Variants in CCDC7 observed in about 807,000 individuals in gnomAD.
CCDC7 encodes coiled-coil domain-containing protein 7.
In CCDC7, 183 loss-of-function variants were observed where a neutral mutation model predicts 196.9. The observed-to-expected ratio is 0.93, with a 90% CI of 0.82 to 1.05. The LOEUF is 1.05. Ranked by LOEUF, CCDC7 falls within the 50% of genes least tolerant of loss-of-function variation. The probability of loss-of-function intolerance (pLI) is 0.00; values close to 1 mark genes in which losing one functional copy is unlikely to be tolerated. For synonymous variants in CCDC7, 525 were observed against 484.6 expected (o/e 1.08, Z -1.10); for missense variants, 1,540 against 1,482.2 (o/e 1.04, Z -0.64).
At chr10:32,665,965 A>G (rs980345910) in intron 21 of CCDC7, among the ~76,000 whole-genome samples, 2 of 151,872 alleles carry the variant, frequency 1.3e-5, no homozygotes, top group African/African-American at 4.8e-5. Flanking sequence ...GATATTGTAA[A>G]TGAGATTACT....
At chr10:32,555,456 G>A (rs1024118158) in intron 13 of CCDC7, among the ~76,000 whole-genome samples, 1 of 152,104 alleles carries the variant, frequency 6.6e-6, no homozygotes, top group African/African-American at 2.4e-5. Flanking sequence ...ATGTTGGCCA[G>A]GATGGTCTCG....
In CCDC7 at chr10:32,531,676, G is replaced by C. The variant is rs941895246; in HGVS notation, c.994-11624G>C. On this transcript the variant is annotated intron_variant, in intron 11 of 41. Coordinates refer to ENST00000639629, the Ensembl canonical transcript of CCDC7. ...GTAAAATCCAGCAGTGAAACCATCAGGTCCTGGGTTTAACTTTGTTGGGAG... is the reference window on the plus strand; with the variant it reads ...GTAAAATCCAGCAGTGAAACCATCACGTCCTGGGTTTAACTTTGTTGGGAG... Among the ~76,000 whole-genome samples, 3 of 152,254 alleles carry C rather than the reference G, an allele frequency of 2.0e-5. No individual in the cohort carries two copies. In the East Asian group the frequency reaches 5.8e-4, roughly 29 times the overall value.
Position 32,876,341 on chromosome 10 carries a change from T to G in CCDC7, c.4112-6T>G, listed in dbSNP as rs1459771530. 1.9e-6 allele frequency: 3 copies of G among 1,606,724 alleles called. No individual in the cohort carries two copies. In the Admixed American group the frequency reaches 5.1e-5, roughly 27 times the overall value. On this transcript the variant is annotated splice_polypyrimidine_tract_variant and splice_region_variant and intron_variant, in intron 41 of 41. Transcript: ENST00000639629. ...TTTTCAATTAACACATAACTTTTCT[T>G]TAAAGTGTTACATGCTGCTGCCCGA...
exon 27 of CCDC7, chr10:32,728,937 A>G: frequency 6.2e-7 from 1 of 1,610,250 alleles, no homozygotes; most frequent in Non-Finnish European, 8.5e-7. Context: ...TCAAGATTCA[A>G]AGTCAAAACT....
chr10:32,449,517 GT>G (rs1414133250), upstream of CCDC7, among the ~76,000 whole-genome samples: 1 of 151,384 alleles, frequency 6.6e-6, no homozygotes, highest in Non-Finnish European at 1.5e-5. Context: ...TTTTTTTTCC[GT>G]TGTCAAGTTG....
intron 18 of CCDC7, among the ~76,000 whole-genome samples, chr10:32,611,699 T>G (rs989275745): frequency 6.6e-6 from 1 of 152,234 alleles, no homozygotes; most frequent in African/African-American, 2.4e-5. Flanking sequence ...ATTGCTTGTT[T>G]TTGTCAGGTT....
intron 15 of CCDC7, among the ~76,000 whole-genome samples, chr10:32,569,016 CAG>C (rs1019271064): frequency 2.6e-5 from 4 of 152,128 alleles, no homozygotes; most frequent in African/African-American, 9.7e-5. Flanking sequence ...TCATATATGA[CAG>C]AAAAAGTTAA....
At chr10:32,829,913 A>G (rs1163364908) in intron 32 of CCDC7, among the ~76,000 whole-genome samples, 1 of 151,190 alleles carries the variant, frequency 6.6e-6, no homozygotes, top group Non-Finnish European at 1.5e-5. Context: ...TGAAAATACT[A>G]GACTGGCCTG....
At chr10:32,514,960 G>A (rs2046794720) in intron 9 of CCDC7, among the ~76,000 whole-genome samples, 1 of 152,130 alleles carries the variant, frequency 6.6e-6, no homozygotes, top group South Asian at 2.1e-4. Flanking sequence ...AAGCAGCTAG[G>A]ACTACAGGCA....
intron 29 of CCDC7, among the ~76,000 whole-genome samples, chr10:32,795,362 T>C (rs915928954): frequency 6.6e-6 from 1 of 152,168 alleles, no homozygotes; most frequent in South Asian, 2.1e-4. Context: ...TGAGAGCCTC[T>C]AAAAATTTTT....
At chr10:32,642,185 A>T (rs986390877) in intron 20 of CCDC7, among the ~76,000 whole-genome samples, 1 of 152,210 alleles carries the variant, frequency 6.6e-6, no homozygotes, top group African/African-American at 2.4e-5. Flanking sequence ...GCTGTCAGAC[A>T]GGGACATTTA....
chr10:32,516,359 C>G (rs891690893), intron 9 of CCDC7, among the ~76,000 whole-genome samples: 1 of 151,920 alleles, frequency 6.6e-6, no homozygotes, highest in Non-Finnish European at 1.5e-5. Flanking sequence ...ATGATCTCAG[C>G]TCACTGCAAC....
intron 28 of CCDC7, among the ~76,000 whole-genome samples, chr10:32,746,047 A>G (rs1283249078): frequency 6.6e-6 from 1 of 152,162 alleles, no homozygotes; most frequent in Admixed American, 6.5e-5. Flanking sequence ...TTGACTTTTG[A>G]GGAGAAGACC....
At chr10:32,700,233 A>G (rs973034077) in intron 24 of CCDC7, among the ~76,000 whole-genome samples, 4 of 149,528 alleles carry the variant, frequency 2.7e-5, no homozygotes, top group African/African-American at 5.1e-5. Flanking sequence ...ATTTTTGTAT[A>G]AGGTGTAAGG....
At chr10:32,703,802 C>T (rs11598682) in intron 24 of CCDC7, among the ~76,000 whole-genome samples, 12,661 of 152,074 alleles carry the variant, frequency 0.083, 619 homozygotes, top group East Asian at 0.16. Flanking sequence ...TCCAGTTGAT[C>T]GAATCAGCTA....
At chr10:32,858,035 A>G (rs527652636) in intron 41 of CCDC7, among the ~76,000 whole-genome samples, 46 of 152,012 alleles carry the variant, frequency 3.0e-4, no homozygotes, top group African/African-American at 1.1e-3. Flanking sequence ...AAAGGAAATG[A>G]ATAAATTCCT....
At chr10:32,540,294 G>T (rs1201765017) in intron 11 of CCDC7, among the ~76,000 whole-genome samples, 2 of 151,894 alleles carry the variant, frequency 1.3e-5, no homozygotes, top group Non-Finnish European at 2.9e-5. Context: ...TACCTTTTTT[G>T]ATCTTTATTT....
chr10:32,467,571 C>A (rs955824692), intron 5 of CCDC7, among the ~76,000 whole-genome samples: 5 of 152,046 alleles, frequency 3.3e-5, no homozygotes, highest in African/African-American at 1.2e-4. Flanking sequence ...TTTTTTGCTG[C>A]ACAGAAGCTC....
At chr10:32,848,806 T>C in intron 39 of CCDC7, 88 bp downstream of exon 40, 1 of 1,085,938 alleles carries the variant, frequency 9.2e-7, no homozygotes, top group Non-Finnish European at 1.3e-6. Flanking sequence ...TCTTTTTGCA[T>C]CTTACTTTTT....
Sources: gnomAD v4.1 joint callset for allele counts (sites outside exome capture counted in the v4.1 genomes callset) on GRCh38, gnomAD v4.1.1 for gene constraint, MANE v1.5 for transcripts, NCBI Gene and HGNC (gene_info 2026-07-23, HGNC 2026-07-21) for gene names.